CUX1: variants seen among roughly 807,000 people sequenced by gnomAD.
The protein encoded by CUX1 is protein CASP.
Under a neutral mutation model 158.8 loss-of-function variants are expected in CUX1, and 31 were observed. The observed-to-expected ratio is 0.20, with a 90% CI of 0.15 to 0.26. The LOEUF (loss-of-function observed/expected upper bound fraction) is 0.26. Ranked by LOEUF, CUX1 falls within the 10% of genes least tolerant of loss-of-function variation. The pLI is 1.00. For missense variants in CUX1, 1,589 were observed against 2,014.6 expected, an observed-to-expected ratio of 0.79 and a Z score of 4.04; for synonymous variants, 879 against 862.1, an observed-to-expected ratio of 1.02 and a Z score of -0.34.
At chr7:102,011,576 T>C (rs1818031348) in intron 2 of CUX1, among the ~76,000 whole-genome samples, 1 of 151,984 alleles carries the variant, frequency 6.6e-6, no homozygotes, top group African/African-American at 2.4e-5. Flanking sequence ...GAGACGGGTT[T>C]CACCGTGTTG....
intron 4 of CUX1, among the ~76,000 whole-genome samples, chr7:102,095,774 A>G (rs201449): frequency 0.61 from 92,068 of 152,086 alleles, 29,737 homozygotes; most frequent in African/African-American, 0.79. Context: ...CACAAGTGAC[A>G]CTGGCGCCCA....
chr7:102,021,611 T>C (rs1563141171), intron 2 of CUX1, among the ~76,000 whole-genome samples: 2 of 74,560 alleles, frequency 2.7e-5, no homozygotes, highest in Non-Finnish European at 3.1e-5. Flanking sequence ...TACTTTTTTT[T>C]CTCTTTTTTT....
In CUX1 at chr7:102,201,501, A is replaced by G; in HGVS notation, c.2204A>G (p.Gln735Arg). ...GCCTTAAAGCAGGCACCACTGTCCC[A>G]GAGTGACATCACCATCCTCACCCCC... The part of the protein sequence containing the change: ...DPALKQAPLS[Q>R]SDITILTPKL... Residue 735 changes from glutamine (Q) to arginine (R), a missense_variant, in exon 18 of 24, where the codon CAG becomes CGG. Gln to Arg is a conservative substitution (Grantham distance 43). This residue lies in a region of CUX1 where 337 missense variants were observed against 409.3 expected (regional missense o/e 0.82). Transcript: ENST00000292535. The surrounding 1 kb of genome is among the most constrained non-coding windows in gnomAD (Gnocchi z 5.0). The G allele has an allele frequency of 6.2e-7, 1 of 1,614,152 alleles. No homozygotes were observed. Among genetic ancestry groups the G allele is most frequent in the Non-Finnish European group, 8.5e-7 (1 of 1,180,012 alleles).
chr7:102,230,344 G>C (rs576958944), intron 21 of CUX1, among the ~76,000 whole-genome samples: 12 of 151,930 alleles, frequency 7.9e-5, no homozygotes, highest in Non-Finnish European at 1.6e-4. Context: ...TTATTATCCA[G>C]GCATGGTGGC....
chr7:102,058,029 C>G (rs1824361158), intron 3 of CUX1, among the ~76,000 whole-genome samples: 1 of 152,110 alleles, frequency 6.6e-6, no homozygotes, highest in Non-Finnish European at 1.5e-5. Context: ...CCTGATCAGT[C>G]TAGCAGCCAT....
intron 2 of CUX1, among the ~76,000 whole-genome samples, chr7:101,972,225 C>A (rs190559127): frequency 7.9e-5 from 12 of 152,338 alleles, no homozygotes; most frequent in African/African-American, 2.9e-4. Flanking sequence ...CTCCGCCTCC[C>A]AAAGTGCTGG....
intron 9 of CUX1, among the ~76,000 whole-genome samples, chr7:102,159,405 C>G (rs1288227212): frequency 2.6e-5 from 4 of 152,248 alleles, no homozygotes; most frequent in Non-Finnish European, 4.4e-5. Context: ...CGGCCCAGAT[C>G]AGGCACAGGA....
intron 2 of CUX1, among the ~76,000 whole-genome samples, chr7:102,009,129 C>G (rs1817705984): frequency 6.6e-6 from 1 of 152,218 alleles, no homozygotes; most frequent in Non-Finnish European, 1.5e-5. Context: ...AGCTTTGGCG[C>G]CAGCCGCACC....
At chr7:102,103,432 T>A (rs915837441) in intron 5 of CUX1, among the ~76,000 whole-genome samples, 5 of 148,356 alleles carry the variant, frequency 3.4e-5, no homozygotes, top group Non-Finnish European at 6.0e-5. Flanking sequence ...TCTCTCTCTC[T>A]CTCACTCACT....
intron 3 of CUX1, among the ~76,000 whole-genome samples, chr7:102,053,704 A>G (rs769461634): frequency 1.3e-5 from 2 of 150,768 alleles, no homozygotes; most frequent in Non-Finnish European, 2.9e-5. Context: ...TTGTCTTTCT[A>G]TGCCTGGCTA....
intron 2 of CUX1, among the ~76,000 whole-genome samples, chr7:101,918,130 C>G (rs1804452893): frequency 6.6e-6 from 1 of 152,182 alleles, no homozygotes; most frequent in Admixed American, 6.5e-5. Context: ...CCTAAGAGGC[C>G]TGGCTTCCTG....
intron 1 of CUX1, among the ~76,000 whole-genome samples, chr7:101,895,914 T>TTTTTTTTG (rs1562975220): frequency 1.4e-4 from 19 of 131,330 alleles, no homozygotes; most frequent in South Asian, 9.7e-4. Context: ...TTTTGTTTTT[T>TTTTTTTTG]TTTTTTTTTT....
At chr7:101,887,842 C>CCTTTTTTTTTTTTTTTTTTTTT (rs1562966470) in intron 1 of CUX1, among the ~76,000 whole-genome samples, 5 of 135,038 alleles carry the variant, frequency 3.7e-5, no homozygotes, top group East Asian at 2.3e-4. Flanking sequence ...ATGACGGTGA[C>CCTTTTTTTTTTTTTTTTTTTTT]ATTTTTTTTT....
intron 7 of CUX1, among the ~76,000 whole-genome samples, chr7:102,113,850 G>A (rs575908412): frequency 3.3e-5 from 5 of 152,126 alleles, no homozygotes; most frequent in African/African-American, 1.2e-4. Flanking sequence ...TTACAGGTGT[G>A]GGCTACCGCA....
chr7:102,105,189 A>G (rs1287205012), intron 6 of CUX1, among the ~76,000 whole-genome samples: 1 of 151,300 alleles, frequency 6.6e-6, no homozygotes, highest in East Asian at 1.9e-4. Context: ...ACACACACAC[A>G]CACACACACA....
chr7:102,021,951 G>A (rs1045577692), intron 2 of CUX1, among the ~76,000 whole-genome samples: 2 of 152,196 alleles, frequency 1.3e-5, no homozygotes, highest in African/African-American at 4.8e-5. Flanking sequence ...TGTTTGTGCT[G>A]ATTCCAGTGA....
At chr7:102,034,762 A>AAG (rs1821218789) in intron 3 of CUX1, among the ~76,000 whole-genome samples, 1 of 150,784 alleles carries the variant, frequency 6.6e-6, no homozygotes, top group Non-Finnish European at 1.5e-5. Context: ...AAAAAAAAAA[A>AAG]AAAAAATACA....
At chr7:101,844,318 T>C (rs1029721487) in intron 1 of CUX1, among the ~76,000 whole-genome samples, 2 of 152,130 alleles carry the variant, frequency 1.3e-5, no homozygotes, top group African/African-American at 4.8e-5. Flanking sequence ...TTAAGTATTT[T>C]AAATGATAGT....
intron 14 of CUX1, among the ~76,000 whole-genome samples, chr7:102,267,584 C>T (rs1055634893): frequency 2.6e-5 from 4 of 152,042 alleles, no homozygotes; most frequent in Non-Finnish European, 5.9e-5. Context: ...TCAGGAAAAC[C>T]GTAGGTACAA....
Sources: gnomAD v4.1 joint callset for allele counts (sites outside exome capture counted in the v4.1 genomes callset) on GRCh38, gnomAD v4.1.1 for gene constraint, gnomAD v4.1.1 regional missense constraint, Gnocchi (gnomAD v3.1) non-coding constraint, MANE v1.5 for transcripts, NCBI Gene and HGNC (gene_info 2026-07-23, HGNC 2026-07-21) for gene names.